Variants in ZNF716 observed in about 807,000 individuals in gnomAD.
ZNF716 encodes zinc finger protein 716.
In ZNF716, 9 loss-of-function variants were observed where a neutral mutation model predicts 13.4. The observed-to-expected ratio is 0.67, with a 90% CI of 0.41 to 1.18. The LOEUF (loss-of-function observed/expected upper bound fraction) is 1.18, where lower values mean the gene tolerates loss of function less well. Ranked by LOEUF, ZNF716 falls within the 50% of genes most tolerant of loss-of-function variation. The pLI, the probability that ZNF716 is intolerant of heterozygous loss-of-function variation, is 0.01. For synonymous variants in ZNF716, 186 were observed against 195.2 expected (o/e 0.95, Z 0.39); for missense variants, 581 against 576.6 (o/e 1.01, Z -0.08).
In ZNF716 at chr7:57,470,114, A is replaced by G; in HGVS notation, c.*165A>G. ...AAAAGTCTTATAAATGTAAAAAAAA[A>G]AGTAACAGCCTTTAACCACCCCTCA... On this transcript the variant is annotated 3_prime_UTR_variant, in exon 4 of 4. Transcript: ENST00000420713. 1.3e-6 allele frequency: 1 copy of G among 741,648 alleles called. No homozygotes were observed. The highest frequency in any genetic ancestry group is 2.0e-6 in the Non-Finnish European group (1 of 493,652). 45.9% of individuals were successfully genotyped at this position (741,648 alleles called of 1,614,324 possible). A position where few individuals can be genotyped will look rare whatever the true frequency, so the allele number is the denominator to read the frequency against.
At chr7:57,461,052 A>G (rs1789700834) in intron 1 of ZNF716, among the ~76,000 whole-genome samples, 1 of 151,748 alleles carries the variant, frequency 6.6e-6, no homozygotes, top group African/African-American at 2.4e-5. Context: ...GCTGTATCAC[A>G]TGAGGTCAGG....
At chr7:57,466,476 TATTA>T (rs79695265) in intron 3 of ZNF716, among the ~76,000 whole-genome samples, 18,166 of 152,020 alleles carry the variant, frequency 0.12, 1,392 homozygotes, top group African/African-American at 0.22. Flanking sequence ...GTTCTCACTC[TATTA>T]ATTCACATGA....
intron 1 of ZNF716, among the ~76,000 whole-genome samples, chr7:57,460,470 A>T (rs1789688429): frequency 6.7e-6 from 1 of 148,968 alleles, no homozygotes; most frequent in African/African-American, 2.5e-5. Context: ...GCAAATTTTT[A>T]CTTCTCTACT....
At chr7:57,463,046 GT>G (rs1789736716) in intron 2 of ZNF716, 26 bp from the exon 3 acceptor site, 1 of 1,605,238 alleles carries the variant, frequency 6.2e-7, no homozygotes, top group African/African-American at 1.3e-5. Flanking sequence ...CCAGATTTAT[GT>G]TACTTTTTTT....
rs554709451 is a variant in ZNF716, at chr7:57,467,789, AG to A, written c.263-934del. Among the ~76,000 whole-genome samples the A allele has an allele frequency of 1.1e-3, 171 of 150,036 alleles. 1 individual carries two copies. Among genetic ancestry groups the A allele is most frequent in the African/African-American group, 4.0e-3 (162 of 40,936 alleles). On this transcript the variant is annotated intron_variant, in intron 3 of 3. Transcript: ENST00000420713. Reference sequence around the variant, plus strand: ...ACGTTTGTTTATTTTTATTATTCCAAGCTTTTGTTGATATTCTTATTTTTCT... The same window carrying A: ...ACGTTTGTTTATTTTTATTATTCCAACTTTTGTTGATATTCTTATTTTTCT...
At chr7:57,450,567 C>G (rs1325649203) in intron 1 of ZNF716, among the ~76,000 whole-genome samples, 1 of 151,816 alleles carries the variant, frequency 6.6e-6, no homozygotes, top group Non-Finnish European at 1.5e-5. Flanking sequence ...GACTGGAGCC[C>G]TCTCTGGGCA....
rs1554325220 is a variant in ZNF716, at chr7:57,470,989, C to T, written c.*1040C>T. On this transcript the variant is annotated 3_prime_UTR_variant, in exon 4 of 4. Transcript: ENST00000420713. ...GGCAAATATGAAAAATGTGGCAAAA[C>T]TTTTAACAAATTTTCCCATCTTATT... 1 of 152,086 alleles carries T rather than the reference C, an allele frequency of 6.6e-6. No individual in the cohort carries two copies. Among genetic ancestry groups the T allele is most frequent in the Non-Finnish European group, 1.5e-5 (1 of 68,024 alleles). The allele number at this position is 152,086 out of a possible 1,614,324, so 9.4% of individuals were successfully genotyped here. A position where few individuals can be genotyped will look rare whatever the true frequency, so the allele number is the denominator to read the frequency against.
At position 57,462,549 on chromosome 7, in the gene ZNF716, T is replaced by A. The variant is rs782186746; in HGVS notation, c.129T>A (p.Asp43Glu). 3.7e-6 allele frequency: 6 copies of A among 1,613,248 alleles called. No individual in the cohort carries two copies. Among genetic ancestry groups the A allele is most frequent in the Non-Finnish European group, 5.1e-6 (6 of 1,179,600 alleles). The change falls in exon 2 of 4, where the codon GAT becomes GAA. Residue 43 changes from aspartate to glutamate, a missense_variant. Asp to Glu is a conservative substitution (Grantham distance 45). Transcript: ENST00000420713. ...LDHAQQNLYR[D>E]VMLENYRNLV... ...ATGCTCAGCAGAATTTATATAGAGA[T>A]GTGATGTTAGAGAACTACAGAAACC...
At chr7:57,463,216 G>A (rs782045830) in intron 3 of ZNF716, 48 bp downstream of exon 3, 9 of 1,597,208 alleles carry the variant, frequency 5.6e-6, no homozygotes, top group East Asian at 2.2e-5. Flanking sequence ...AGTTACAAAA[G>A]TCAAGGAGGA....
rs782155355 is a variant in ZNF716, at chr7:57,462,465, G to C, written c.45G>C (p.Leu15=). 1.2e-6 allele frequency: 2 copies of C among 1,613,686 alleles called. No individual in the cohort carries two copies. The highest frequency in any genetic ancestry group is 1.7e-6 in the Non-Finnish European group (2 of 1,179,868). ...TGTTTATTTTTTGTTTTTAGGGACT[G>C]TTGACATTCAGAGACATAGCTATAG... ...PGPPGSREMG[L]LTFRDIAIEF... The change falls in exon 2 of 4, where the codon CTG becomes CTC. Residue 15 remains leucine, a synonymous_variant. Coordinates refer to ENST00000420713, the MANE Select transcript of ZNF716 (RefSeq NM_001159279.1).
intron 1 of ZNF716, among the ~76,000 whole-genome samples, chr7:57,451,920 C>G (rs1411271092): frequency 1.3e-5 from 2 of 151,892 alleles, no homozygotes; most frequent in African/African-American, 4.8e-5. Flanking sequence ...GCCTACACCA[C>G]CATACATGGC....
rs549543928 is a variant in ZNF716, at chr7:57,471,971, A to G, written c.*2022A>G. On this transcript the variant is annotated 3_prime_UTR_variant, in exon 4 of 4. Transcript: ENST00000420713. ...AAAAAATATAGATTTTCTGAAAAGC[A>G]AATAGTAATGTAACTCACATTTCAA... The G allele has an allele frequency of 3.3e-5, 5 of 152,364 alleles. No individual in the cohort carries two copies. The South Asian group carries it at 1.0e-3, about 32-fold the overall frequency. The allele number at this position is 152,364 out of a possible 1,614,324, so 9.4% of individuals were successfully genotyped here.
At chr7:57,450,458 A>C (rs782278502) in intron 1 of ZNF716, 131 bp downstream of exon 1, 212 of 1,526,362 alleles carry the variant, frequency 1.4e-4, no homozygotes, top group Non-Finnish European at 1.8e-4. Context: ...TCCTTGTCCC[A>C]GCTCGGCTCT....
chr7:57,461,437 C>G (rs527635217), intron 1 of ZNF716, among the ~76,000 whole-genome samples: 5 of 152,088 alleles, frequency 3.3e-5, no homozygotes, highest in Admixed American at 6.5e-5. Flanking sequence ...ATTTTTTCTA[C>G]TATAGAGTTA....
rs1284120541 is a variant in ZNF716 at position 57,455,649 on chromosome 7, T to G, written c.39+5322T>G. On this transcript the variant is annotated intron_variant, in intron 1 of 3. Transcript: ENST00000420713. ...CTCTTGCCTCAGCCTCCCAAATAGC[T>G]GGGATTACAGGTGCCCACCACTGCA... Among the ~76,000 whole-genome samples, 4 of 151,986 alleles carry G rather than the reference T, an allele frequency of 2.6e-5. No individual in the cohort carries two copies. In the East Asian group the frequency reaches 7.8e-4, roughly 30 times the overall value.
chr7:57,456,966 C>T (rs73345945), intron 1 of ZNF716, among the ~76,000 whole-genome samples: 5,450 of 152,190 alleles, frequency 0.036, 313 homozygotes, highest in East Asian at 0.24. Context: ...AACAGACCTC[C>T]TCCTTTCAGA....
At chr7:57,466,794 T>C (rs1255832712) in intron 3 of ZNF716, among the ~76,000 whole-genome samples, 2 of 152,098 alleles carry the variant, frequency 1.3e-5, no homozygotes, top group African/African-American at 4.8e-5. Flanking sequence ...TGAATTTTTT[T>C]GTTGAAAATG....
intron 1 of ZNF716, among the ~76,000 whole-genome samples, chr7:57,460,197 C>A (rs1441850660): frequency 6.6e-6 from 1 of 151,892 alleles, no homozygotes. Context: ...ACGAGCCTGA[C>A]CAGCCTGACC....
intron 1 of ZNF716, among the ~76,000 whole-genome samples, chr7:57,460,499 G>A (rs117422405): frequency 4.0e-5 from 6 of 151,328 alleles, no homozygotes; most frequent in Non-Finnish European, 8.8e-5. Context: ...TATCCCTAAT[G>A]AGTTTGTTTC....
Sources: gnomAD v4.1 joint callset for allele counts (sites outside exome capture counted in the v4.1 genomes callset) on GRCh38, gnomAD v4.1.1 for gene constraint, MANE v1.5 for transcripts, NCBI Gene and HGNC (gene_info 2026-07-23, HGNC 2026-07-21) for gene names.